The following ADAM9 variants were observed in gnomAD, a reference collection of about 807,000 sequenced individuals.
ADAM9 encodes disintegrin and metalloproteinase domain-containing protein 9.
ADAM9 carries 54 observed loss-of-function variants against 108.1 expected under a neutral mutation model. The ratio of observed to expected loss-of-function variants is 0.50; its 90% CI spans 0.40 to 0.63. The LOEUF is 0.63. Among genes scored for constraint, ADAM9 ranks in the 20% least tolerant of loss-of-function variants. The pLI, the probability that ADAM9 is intolerant of heterozygous loss-of-function variation, is 0.00. For synonymous variants in ADAM9, 316 were observed against 336.0 expected, an observed-to-expected ratio of 0.94 and a Z score of 0.65; for missense variants, 830 against 997.7, an observed-to-expected ratio of 0.83 and a Z score of 2.26.
At chr8:39,031,097 C>T (rs761163448) in intron 11 of ADAM9, among the ~76,000 whole-genome samples, 18 of 152,092 alleles carry the variant, frequency 1.2e-4, no homozygotes, top group Admixed American at 6.5e-4. Context: ...CTTTCATGGA[C>T]GATGCCTTTT....
chr8:39,095,181 G>A (rs1839463956), intron 20 of ADAM9, among the ~76,000 whole-genome samples: 1 of 152,008 alleles, frequency 6.6e-6, no homozygotes. Flanking sequence ...CCTACATATA[G>A]CCCAATCTGC....
intron 16 of ADAM9, among the ~76,000 whole-genome samples, chr8:39,079,080 G>A (rs914839676): frequency 7.2e-5 from 11 of 152,174 alleles, no homozygotes; most frequent in African/African-American, 2.7e-4. Context: ...TAGGAAGAAA[G>A]CATGTAACAT....
In ADAM9 at chr8:39,025,867, G is replaced by A. The variant is rs1356814954; in HGVS notation, c.979G>A (p.Ala327Thr). 6.2e-7 allele frequency: 1 copy of A among 1,614,060 alleles called. No homozygotes were observed. The highest frequency in any genetic ancestry group is 1.7e-5 in the Admixed American group (1 of 60,018). Reference sequence around the variant, plus strand: ...GGGAACAGTGTGTTCAAGGAGCCACGCAGGCGGGATTAATGTGGTACGTTG... The same window carrying A: ...GGGAACAGTGTGTTCAAGGAGCCACACAGGCGGGATTAATGTGGTACGTTG... The part of the protein sequence containing the change: ...FVGTVCSRSH[A>T]GGINVFGQIT... Residue 327 changes from alanine to threonine, a missense_variant, in exon 10 of 22, where the codon GCA becomes ACA. Ala to Thr is a moderately conservative substitution (Grantham distance 58). Around this residue, in one of 3 missense-constraint regions of ADAM9, gnomAD observed 381 missense variants for 539.8 expected, o/e 0.71. Coordinates refer to ENST00000487273, the MANE Select transcript of ADAM9 (RefSeq NM_003816.3).
chr8:39,082,973 T>C lies in ADAM9; in HGVS notation c.1968T>C (p.Cys656=), dbSNP rs1422732315. The C allele has an allele frequency of 6.2e-7, 1 of 1,612,696 alleles. No homozygotes were observed. Among genetic ancestry groups the C allele is most frequent in the South Asian group, 1.1e-5 (1 of 91,022 alleles). The part of the protein sequence containing the change: ...VQKKCHGHGV[C]NSNKNCHCEN... ...GTATTTTGATTGTTTTGAAGGTATGTAATAGCAATAAGAATTGTCACTGTG... is the reference window on the plus strand; with the variant it reads ...GTATTTTGATTGTTTTGAAGGTATGCAATAGCAATAAGAATTGTCACTGTG... Residue 656 remains cysteine, a synonymous_variant, in exon 18 of 22, where the codon TGT becomes TGC. Coordinates refer to ENST00000487273, the MANE Select transcript of ADAM9 (RefSeq NM_003816.3).
At chr8:39,051,563 A>G (rs1342328674) in intron 12 of ADAM9, among the ~76,000 whole-genome samples, 3 of 152,114 alleles carry the variant, frequency 2.0e-5, no homozygotes, top group African/African-American at 4.8e-5. Flanking sequence ...ACACATGGGG[A>G]GTGTACAGGG....
chr8:39,040,400 T>C (rs930893140), intron 11 of ADAM9, among the ~76,000 whole-genome samples: 2 of 152,198 alleles, frequency 1.3e-5, no homozygotes, highest in Non-Finnish European at 2.9e-5. Flanking sequence ...TGGTATTTCA[T>C]TGTGGTTTTG....
In ADAM9 at chr8:39,064,081, T is replaced by G. The variant is rs142272934; in HGVS notation, c.1592-7217T>G. Among the ~76,000 whole-genome samples, 6 of 152,302 alleles carry G rather than the reference T, an allele frequency of 3.9e-5. No homozygotes were observed. The East Asian group carries it at 1.2e-3, about 29-fold the overall frequency. On this transcript the variant is annotated intron_variant, in intron 14 of 21. Transcript: ENST00000487273. ...TAAAATAAGGAGCAACCAGGCAATC[T>G]CATACTGTTAGTATGAGAAAAATGT... is the stretch of plus-strand genomic sequence containing the variant.
In ADAM9 at chr8:39,104,477, T is replaced by A; in HGVS notation, c.*777T>A. On this transcript the variant is annotated 3_prime_UTR_variant, in exon 22 of 22. Coordinates refer to ENST00000487273, the MANE Select transcript of ADAM9 (RefSeq NM_003816.3). ...ACTATTTTAAATAAATTATAAGCTT[T>A]AAGGTACGAAGTATTTAATAGATCT... 2.6e-6 allele frequency: 1 copy of A among 388,730 alleles called. No homozygotes were observed. The highest frequency in any genetic ancestry group is 2.0e-5 in the South Asian group (1 of 50,824). 24.1% of individuals were successfully genotyped at this position (388,730 alleles called of 1,614,324 possible).
chr8:39,080,982 G>A (rs1203383269), intron 16 of ADAM9, among the ~76,000 whole-genome samples: 2 of 125,840 alleles, frequency 1.6e-5, no homozygotes, highest in African/African-American at 3.1e-5. Context: ...GCAGGGTCTC[G>A]CTCTTTGACC....
chr8:39,021,539 C>G (rs890130299), intron 7 of ADAM9, 104 bp from the exon 8 acceptor site: 3 of 1,014,534 alleles, frequency 3.0e-6, no homozygotes, highest in African/African-American at 3.2e-5. Flanking sequence ...CCGCCTGGGC[C>G]TCTCAAAATG....
At chr8:39,079,157 C>G (rs1479650637) in intron 16 of ADAM9, among the ~76,000 whole-genome samples, 13 of 152,202 alleles carry the variant, frequency 8.5e-5, no homozygotes, top group Admixed American at 8.5e-4. Context: ...ACCTGTCCAG[C>G]CTTACCTGCG....
chr8:39,023,274 G>A lies in ADAM9; in HGVS notation c.863G>A (p.Arg288Gln), dbSNP rs772397709. Residue 288 changes from arginine to glutamine, a missense_variant, in exon 9 of 22, where the codon CGG becomes CAG. Physicochemically the swap from Arg to Gln is conservative, Grantham distance 43 (BLOSUM62 1). Around this residue, in one of 3 missense-constraint regions of ADAM9, gnomAD observed 381 missense variants for 539.8 expected, o/e 0.71. Transcript: ENST00000487273. ...GTGCTGGGGAACTTCGTGCAGTGGC[G>A]GGAAAAGTTTCTTATCACACGTCGG... ...GDVLGNFVQW[R>Q]EKFLITRRRH... 7.4e-6 allele frequency: 12 copies of A among 1,613,168 alleles called. No individual in the cohort carries two copies. The highest frequency in any genetic ancestry group is 2.2e-5 in the South Asian group (2 of 90,948).
chr8:39,055,454 G>T (rs1270582674), intron 13 of ADAM9, 123 bp from the exon 14 acceptor site: 19 of 960,732 alleles, frequency 2.0e-5, no homozygotes, highest in Non-Finnish European at 2.6e-5. Context: ...TTTTTCTGTT[G>T]GGTTATTTAA....
At chr8:39,014,517 AACAGAGTACTCCTGGGG>A (rs1358975479) in intron 4 of ADAM9, 1 of 701,814 alleles carries the variant, frequency 1.4e-6, no homozygotes, top group South Asian at 1.5e-5. Flanking sequence ...TGCATCAGAG[AACAGAGTACTCCTGGGG>A]ACAGAGCTGG....
intron 15 of ADAM9, among the ~76,000 whole-genome samples, chr8:39,073,643 A>G (rs867160790): frequency 6.6e-6 from 1 of 152,318 alleles, no homozygotes. Flanking sequence ...GAGAATTAAT[A>G]TAACCGATTG....
chr8:39,045,096 G>GTGTGTGTGCATACATACATA (rs1564297212), intron 12 of ADAM9, among the ~76,000 whole-genome samples: 7 of 15,474 alleles, frequency 4.5e-4, no homozygotes, highest in Non-Finnish European at 7.4e-4. Context: ...ACATACATAT[G>GTGTGTGTGCATACATACATA]TGTGTGTGCA....
At chr8:39,071,828 CT>C (rs1245612085) in intron 15 of ADAM9, among the ~76,000 whole-genome samples, 1 of 152,196 alleles carries the variant, frequency 6.6e-6, no homozygotes, top group African/African-American at 2.4e-5. Context: ...AAATACCTAA[CT>C]TTTCAAACAT....
At chr8:39,046,905 A>T (rs1407427138) in intron 12 of ADAM9, among the ~76,000 whole-genome samples, 1 of 151,972 alleles carries the variant, frequency 6.6e-6, no homozygotes, top group Non-Finnish European at 1.5e-5. Context: ...AGTAGTCGGG[A>T]CTACAGGCAT....
chr8:39,065,904 C>T (rs1387111266), intron 14 of ADAM9, among the ~76,000 whole-genome samples: 1 of 152,032 alleles, frequency 6.6e-6, no homozygotes, highest in African/African-American at 2.4e-5. Context: ...CTTCCCACTC[C>T]CCCCACCCCA....
Sources: gnomAD v4.1 joint callset for allele counts (sites outside exome capture counted in the v4.1 genomes callset) on GRCh38, gnomAD v4.1.1 for gene constraint, gnomAD v4.1.1 regional missense constraint, MANE v1.5 for transcripts, NCBI Gene and HGNC (gene_info 2026-07-23, HGNC 2026-07-21) for gene names.